TOMM34: variants seen among roughly 807,000 people sequenced by gnomAD.
TOMM34 encodes translocase of outer mitochondrial membrane 34, also known as mitochondrial import receptor subunit TOM34.
TOMM34 carries 24 observed loss-of-function variants against 37.4 expected under a neutral mutation model. The observed-to-expected ratio is 0.64, with a 90% CI of 0.46 to 0.90. The LOEUF is 0.90. TOMM34 is among the 40% of genes least tolerant of loss of function. TOMM34 has a pLI of 0.00. For missense variants in TOMM34, 304 were observed against 375.6 expected, an observed-to-expected ratio of 0.81 and a Z score of 1.58; for synonymous variants, 154 against 148.9, an observed-to-expected ratio of 1.03 and a Z score of -0.25.
chr20:44,949,552 G>C (rs1161289691), intron 4 of TOMM34, among the ~76,000 whole-genome samples: 1 of 152,106 alleles, frequency 6.6e-6, no homozygotes, highest in Non-Finnish European at 1.5e-5. Context: ...TGGTGTTCAG[G>C]CCCTTCACTG....
At chr20:44,948,959 TC>T in intron 4 of TOMM34, 82 bp from the exon 5 acceptor site, 1 of 1,509,462 alleles carries the variant, frequency 6.6e-7, no homozygotes, top group Non-Finnish European at 8.9e-7. Flanking sequence ...CATCGTCCCT[TC>T]CAAACTGACT....
Position 44,956,422 on chromosome 20 carries a change from T to A in TOMM34, c.191A>T (p.Asp64Val). 6.2e-7 allele frequency: 1 copy of A among 1,614,220 alleles called. No homozygotes were observed. Among genetic ancestry groups the A allele is most frequent in the South Asian group, 1.1e-5 (1 of 91,086 alleles). The change falls in exon 2 of 7, where the codon GAT (aspartate) becomes GTT (valine). Residue 64 changes from aspartate (D) to valine (V), a missense_variant. Coordinates refer to ENST00000372813, the MANE Select transcript of TOMM34 (RefSeq NM_006809.5). ...TTTGATGCAGTCTCTGCAGTTTCCATCCTTCAAGTGACATGCTGCTCGGTT... is the reference window on the plus strand; with the variant it reads ...TTTGATGCAGTCTCTGCAGTTTCCAACCTTCAAGTGACATGCTGCTCGGTT... ...YSNRAACHLK[D>V]GNCRDCIKDC...
intron 1 of TOMM34, among the ~76,000 whole-genome samples, chr20:44,959,743 G>A (rs2145611784): frequency 6.6e-6 from 1 of 152,112 alleles, no homozygotes; most frequent in East Asian, 1.9e-4. Context: ...TCCCACTCCA[G>A]TCAACTCTAT....
In TOMM34 at chr20:44,960,225, G is replaced by A. The variant is rs1351481825; in HGVS notation, c.109C>T (p.Arg37Trp). The A allele has an allele frequency of 1.3e-6, 2 of 1,560,014 alleles. No individual in the cohort carries two copies. The highest frequency in any genetic ancestry group is 2.4e-5 in the East Asian group (1 of 41,126). ...EASALYGRALRVLQAQGSSDP... is the reference protein window; with the variant it reads ...EASALYGRALWVLQAQGSSDP... ...GTCGTACCTTGCGCCTGCAGCACCCGCAGCGCGCGGCCGTAGAGCGCGGAG... is the reference window on the plus strand; with the variant it reads ...GTCGTACCTTGCGCCTGCAGCACCCACAGCGCGCGGCCGTAGAGCGCGGAG... The change falls in exon 1 of 7, where the codon CGG becomes TGG. Residue 37 changes from arginine (R) to tryptophan (W), a missense_variant. By Grantham distance (101) the Arg-to-Trp change is moderately radical. Transcript: ENST00000372813.
chr20:44,960,163 T>C, intron 1 of TOMM34, 44 bp downstream of exon 1: 2 of 1,529,354 alleles, frequency 1.3e-6, no homozygotes, highest in Non-Finnish European at 1.8e-6. Flanking sequence ...GTTGCGGGAG[T>C]TGGAGGAGCA....
rs753965630 is a variant in TOMM34, at chr20:44,946,417, T to G, written c.698+2313A>C. ...CAGAAGGGTTTTAATTACAAAGGGG[T>G]TGGGAAATAACACAAGTGAGTGAAA... On this transcript the variant is annotated intron_variant, in intron 5 of 6. Transcript: ENST00000372813. 2.0e-5 allele frequency among the ~76,000 whole-genome samples: 3 copies of G among 151,980 alleles called. No homozygotes were observed. The South Asian group carries it at 6.2e-4, about 32-fold the overall frequency.
chr20:44,960,157 C>A, intron 1 of TOMM34, 50 bp downstream of exon 1: 1 of 1,518,932 alleles, frequency 6.6e-7, no homozygotes, highest in African/African-American at 1.4e-5. Flanking sequence ...GCGGTGGTTG[C>A]GGGAGTTGGA....
At position 44,960,395 on chromosome 20, in the gene TOMM34, C is replaced by T. The variant is rs2067116408; in HGVS notation, c.-62G>A. On this transcript the variant is annotated 5_prime_UTR_variant, in exon 1 of 7. Transcript: ENST00000372813. ...TCCTCCCCCGTGTGGTGCGGCACAC[C>T]TTCCGGGCGCAAGCGCCGGCGGCGA... The T allele has an allele frequency of 2.1e-6, 3 of 1,436,374 alleles. No individual in the cohort carries two copies. Among genetic ancestry groups the T allele is most frequent in the East Asian group, 2.9e-5 (1 of 34,808 alleles). 89.0% of individuals were successfully genotyped at this position (1,436,374 alleles called of 1,614,324 possible). A position where few individuals can be genotyped will look rare whatever the true frequency, so the allele number is the denominator to read the frequency against.
chr20:44,949,376 G>T (rs1249450648), intron 4 of TOMM34, among the ~76,000 whole-genome samples: 1 of 152,164 alleles, frequency 6.6e-6, no homozygotes, highest in Non-Finnish European at 1.5e-5. Context: ...GTAAAGAAAA[G>T]GTATAGCTTC....
At chr20:44,953,173 T>C (rs1456129729) in intron 3 of TOMM34, among the ~76,000 whole-genome samples, 1 of 152,082 alleles carries the variant, frequency 6.6e-6, no homozygotes, top group Non-Finnish European at 1.5e-5. Flanking sequence ...TCCCTTTAAC[T>C]CTTTCCTCAC....
At chr20:44,958,468 G>C (rs766269572) in intron 1 of TOMM34, 12 of 459,636 alleles carry the variant, frequency 2.6e-5, no homozygotes, top group Admixed American at 1.5e-4. Flanking sequence ...GCGGTGGAAA[G>C]GGCATCAACC....
At chr20:44,958,753 A>G (rs1401888281) in intron 1 of TOMM34, 1 of 155,302 alleles carries the variant, frequency 6.4e-6, no homozygotes. Flanking sequence ...ACAAATGTAC[A>G]AGCTTTTCCA....
rs2234199 is a variant in TOMM34 at position 44,960,192 on chromosome 20, G to C, written c.127+15C>G. 0.021 allele frequency: 32,446 copies of C among 1,552,828 alleles called. 402 individuals are homozygous for C. Among genetic ancestry groups the C allele is most frequent in the Non-Finnish European group, 0.024 (27,730 of 1,149,644 alleles). On this transcript the variant is annotated intron_variant, in intron 1 of 6. Transcript: ENST00000372813. ...AGGAGCAGGCCCGGAGGTGAGATGG[G>C]GGCCGGGGTCGTACCTTGCGCCTGC...
In TOMM34 at chr20:44,955,185, A is replaced by G. The variant is rs1034946644; in HGVS notation, c.263T>C (p.Leu88Pro). The change falls in exon 3 of 7, where the codon CTG (leucine) becomes CCG (proline). Residue 88 changes from leucine to proline, a missense_variant. By Grantham distance (98) the Leu-to-Pro change is moderately conservative. Coordinates refer to ENST00000372813, the MANE Select transcript of TOMM34 (RefSeq NM_006809.5). ...LALVPFSIKP[L>P]LRRASAYEAL... ...CTCATAAGCAGATGCTCGCCGCAGC[A>G]GGGGCTTAATGCTGAAGGGAACCAA... 3 of 1,614,132 alleles carry G rather than the reference A, an allele frequency of 1.9e-6. No individual in the cohort carries two copies. In the African/African-American group the frequency reaches 4.0e-5, roughly 22 times the overall value.
chr20:44,949,744 C>A (rs2067010628), intron 4 of TOMM34, among the ~76,000 whole-genome samples: 2 of 152,188 alleles, frequency 1.3e-5, no homozygotes, highest in South Asian at 2.1e-4. Flanking sequence ...TCCTGGGGGA[C>A]CTTCCTCAAT....
Position 44,943,586 on chromosome 20 carries a change from G to C in TOMM34, c.699-7C>G. 6.2e-7 allele frequency: 1 copy of C among 1,614,022 alleles called. No homozygotes were observed. The highest frequency in any genetic ancestry group is 8.5e-7 in the Non-Finnish European group (1 of 1,179,998). On this transcript the variant is annotated splice_polypyrimidine_tract_variant and splice_region_variant and intron_variant, in intron 5 of 6. Coordinates refer to ENST00000372813, the MANE Select transcript of TOMM34 (RefSeq NM_006809.5). ...GACCAAATAGCAGAGTGCTCTGAAGGGAAAGACCATTTCAGAGGTTTCAGT... is the reference window on the plus strand; with the variant it reads ...GACCAAATAGCAGAGTGCTCTGAAGCGAAAGACCATTTCAGAGGTTTCAGT...
At chr20:44,948,373 G>A (rs1438140603) in intron 5 of TOMM34, among the ~76,000 whole-genome samples, 2 of 152,226 alleles carry the variant, frequency 1.3e-5, no homozygotes, top group African/African-American at 4.8e-5. Flanking sequence ...ATTTCTAACA[G>A]GAGGGTCTTG....
chr20:44,946,639 C>T (rs1276276215), intron 5 of TOMM34, among the ~76,000 whole-genome samples: 1 of 152,170 alleles, frequency 6.6e-6, no homozygotes, highest in Non-Finnish European at 1.5e-5. Context: ...GTTGTAGGTG[C>T]TATGCACTCA....
At position 44,948,654 on chromosome 20, in the gene TOMM34, G is replaced by A. The variant is rs560974011; in HGVS notation, c.698+76C>T. On this transcript the variant is annotated intron_variant, in intron 5 of 6. Coordinates refer to ENST00000372813, the MANE Select transcript of TOMM34 (RefSeq NM_006809.5). ...CTTGACTAAATGCTAGGGATGAAGG[G>A]CCCATTGCAGTCCAAGAGAAGACTA... The A allele has an allele frequency of 6.4e-6, 10 of 1,558,156 alleles. No individual in the cohort carries two copies. The South Asian group carries it at 1.0e-4, about 16-fold the overall frequency.
Sources: allele counts gnomAD v4.1 joint callset (sites outside exome capture counted in the v4.1 genomes callset), GRCh38; gene constraint gnomAD v4.1.1; transcripts MANE v1.5; gene names NCBI Gene and HGNC (gene_info 2026-07-23, HGNC 2026-07-21).